SMAD6: variants seen among roughly 807,000 people sequenced by gnomAD.
SMAD6 encodes the protein MAD homolog 6.
A neutral mutation model predicts 39.4 loss-of-function variants in SMAD6; 103 were observed. The ratio of observed to expected loss-of-function variants is 2.62; its 90% CI spans 2.23 to 3.08. SMAD6 has a LOEUF of 3.08. SMAD6 is among the 30% of genes most tolerant of loss of function. SMAD6 has a pLI of 0.00. For synonymous variants in SMAD6, 445 were observed against 353.3 expected, an observed-to-expected ratio of 1.26 and a Z score of -2.91; for missense variants, 1,104 against 742.9, an observed-to-expected ratio of 1.49 and a Z score of -5.65.
intron 2 of SMAD6, among the ~76,000 whole-genome samples, chr15:66,714,100 C>A (rs1277814552): frequency 6.6e-6 from 1 of 152,168 alleles, no homozygotes; most frequent in African/African-American, 2.4e-5. Context: ...GAGAAAAAAA[C>A]CCTCAAAAGT....
At chr15:66,773,191 A>G (rs865905494) in intron 3 of SMAD6, among the ~76,000 whole-genome samples, 8 of 128,550 alleles carry the variant, frequency 6.2e-5, no homozygotes, top group Non-Finnish European at 9.9e-5. Flanking sequence ...CTAGGAGCCA[A>G]AGGTGCTGGA....
chr15:66,733,832 C>G (rs1295352068), intron 3 of SMAD6, among the ~76,000 whole-genome samples: 1 of 152,164 alleles, frequency 6.6e-6, no homozygotes, highest in Non-Finnish European at 1.5e-5. Context: ...GATTCAAAGA[C>G]CTGGTGAGGT....
At chr15:66,710,792 C>A (rs1261893196) in intron 1 of SMAD6, among the ~76,000 whole-genome samples, 1 of 126,720 alleles carries the variant, frequency 7.9e-6, no homozygotes, top group Non-Finnish European at 1.7e-5. Context: ...CAAATGAAAC[C>A]CAAAGAAAAA....
chr15:66,703,690 C>T lies in SMAD6; in HGVS notation c.432C>T (p.Pro144=). ...GCGCGCCCCGGGACGCCAGCGACCC[C>T]CTGGCCGGGGCGGCCCTGGAGCCGG... ...AAGAPRDASD[P]LAGAALEPAG... is the part of the protein sequence containing the mutation. The change falls in exon 1 of 4, where the codon CCC becomes CCT. Residue 144 remains proline (P), a synonymous_variant. Coordinates refer to ENST00000288840, the MANE Select transcript of SMAD6 (RefSeq NM_005585.5). The T allele has an allele frequency of 8.0e-7, 1 of 1,254,388 alleles. No homozygotes were observed. Among genetic ancestry groups the T allele is most frequent in the Non-Finnish European group, 1.0e-6 (1 of 997,868 alleles). The allele number at this position is 1,254,388 out of a possible 1,614,324, so 77.7% of individuals were successfully genotyped here.
intron 3 of SMAD6, among the ~76,000 whole-genome samples, chr15:66,722,797 T>C (rs1300945508): frequency 6.7e-6 from 1 of 149,610 alleles, no homozygotes; most frequent in Admixed American, 6.7e-5. Context: ...GTGATGGGGG[T>C]GACTAGAGCA....
Position 66,703,170 on chromosome 15 carries a change from G to T in SMAD6, c.-89G>T. ...GCGGCGGAGCTTCATGTGGGGCTGC[G>T]ACCCGCGCAGCCGGCGCCTCGCTGA... On this transcript the variant is annotated 5_prime_UTR_variant, in exon 1 of 4. Coordinates refer to ENST00000288840, the MANE Select transcript of SMAD6 (RefSeq NM_005585.5). The T allele has an allele frequency of 9.7e-7, 1 of 1,033,550 alleles. No homozygotes were observed. The highest frequency in any genetic ancestry group is 2.7e-5 in the South Asian group (1 of 37,566). The allele number at this position is 1,033,550 out of a possible 1,614,324, so 64.0% of individuals were successfully genotyped here.
intron 3 of SMAD6, among the ~76,000 whole-genome samples, chr15:66,732,504 C>T (rs964253855): frequency 6.6e-6 from 1 of 152,090 alleles, no homozygotes; most frequent in Admixed American, 6.6e-5. Flanking sequence ...CTGTGTCCCA[C>T]TGTATCTGGC....
At chr15:66,711,776 C>G (rs1240808973) in intron 2 of SMAD6, 52 bp downstream of exon 2, 1 of 1,414,704 alleles carries the variant, frequency 7.1e-7, no homozygotes, top group East Asian at 2.3e-5. Flanking sequence ...GAACTGGGTC[C>G]TCTTCAGCCC....
At chr15:66,780,893 T>G (rs1416508862) in intron 3 of SMAD6, 104 bp from the exon 4 acceptor site, 1 of 1,200,202 alleles carries the variant, frequency 8.3e-7, no homozygotes, top group Non-Finnish European at 1.1e-6. Context: ...GCTGGAAACC[T>G]TACCCAGCTC....
chr15:66,737,500 A>AG (rs780508279), intron 3 of SMAD6, among the ~76,000 whole-genome samples: 80 of 152,230 alleles, frequency 5.3e-4, no homozygotes, highest in Non-Finnish European at 1.0e-3. Flanking sequence ...GGCATGGTGT[A>AG]GGCACTTGGC....
intron 3 of SMAD6, among the ~76,000 whole-genome samples, chr15:66,766,063 G>GTGGCTAAAA (rs1416835827): frequency 6.6e-6 from 1 of 152,252 alleles, no homozygotes; most frequent in Admixed American, 6.5e-5. Context: ...GACTTTGCCT[G>GTGGCTAAAA]TGGCTAAAAG....
At chr15:66,763,838 G>C (rs974114597) in intron 3 of SMAD6, among the ~76,000 whole-genome samples, 1 of 152,256 alleles carries the variant, frequency 6.6e-6, no homozygotes, top group Non-Finnish European at 1.5e-5. Flanking sequence ...AGTTGGCAGA[G>C]CCCCCTGGCC....
At chr15:66,717,221 C>A in intron 3 of SMAD6, 1 of 1,010,846 alleles carries the variant, frequency 9.9e-7, no homozygotes, top group Non-Finnish European at 1.4e-6. Flanking sequence ...GGCATGGTGG[C>A]CTGGTGGCAT....
intron 3 of SMAD6, among the ~76,000 whole-genome samples, chr15:66,732,323 T>C (rs760764143): frequency 3.2e-4 from 48 of 152,158 alleles, no homozygotes; most frequent in Non-Finnish European, 5.6e-4. Context: ...ATATCTTCTT[T>C]GGTGAAGTGT....
At chr15:66,720,043 C>T (rs1378176154) in intron 3 of SMAD6, among the ~76,000 whole-genome samples, 1 of 152,122 alleles carries the variant, frequency 6.6e-6, no homozygotes, top group Non-Finnish European at 1.5e-5. Context: ...AACTTTGGCA[C>T]TCTGGTTTCC....
intron 1 of SMAD6, chr15:66,708,729 G>C (rs1368393557): frequency 2.1e-6 from 1 of 471,822 alleles, no homozygotes; most frequent in East Asian, 6.9e-5. Context: ...CAAACCCATA[G>C]AGACACAAAG....
At chr15:66,757,541 C>T (rs1206332169) in intron 3 of SMAD6, among the ~76,000 whole-genome samples, 1 of 152,184 alleles carries the variant, frequency 6.6e-6, no homozygotes, top group African/African-American at 2.4e-5. Flanking sequence ...CCAGCAGGAC[C>T]CTCAGGCTGG....
At chr15:66,728,905 G>T (rs148873225) in intron 3 of SMAD6, among the ~76,000 whole-genome samples, 5 of 150,922 alleles carry the variant, frequency 3.3e-5, no homozygotes, top group African/African-American at 1.2e-4. Flanking sequence ...AGGACACAAG[G>T]TCATACTTCT....
chr15:66,718,259 C>A (rs1893370160), intron 3 of SMAD6, among the ~76,000 whole-genome samples: 1 of 152,016 alleles, frequency 6.6e-6, no homozygotes, highest in African/African-American at 2.4e-5. Flanking sequence ...AAGGACCAGA[C>A]CCCCAAGCAC....
Sources: gnomAD v4.1 joint callset for allele counts (sites outside exome capture counted in the v4.1 genomes callset) on GRCh38, gnomAD v4.1.1 for gene constraint, MANE v1.5 for transcripts, NCBI Gene and HGNC (gene_info 2026-07-23, HGNC 2026-07-21) for gene names.